AIG1: variants seen among roughly 807,000 people sequenced by gnomAD.
AIG1 encodes the protein androgen induced 1, also known as androgen-induced gene 1 protein.
A neutral mutation model predicts 31.4 loss-of-function variants in AIG1; 23 were observed. That is an observed-to-expected ratio of 0.73 (90% CI 0.53 to 1.04). The LOEUF is 1.04. AIG1 is among the 50% of genes least tolerant of loss of function. The probability of loss-of-function intolerance (pLI) is 0.00; values close to 1 mark genes in which losing one functional copy is unlikely to be tolerated. For missense variants in AIG1, 274 were observed against 295.0 expected (o/e 0.93, Z 0.52); for synonymous variants, 100 against 110.5 (o/e 0.90, Z 0.60).
chr6:143,281,407 TATGCAGTGATG>T (rs1192493487), intron 3 of AIG1, among the ~76,000 whole-genome samples: 1 of 152,210 alleles, frequency 6.6e-6, no homozygotes, highest in African/African-American at 2.4e-5. Flanking sequence ...GTGCTGTTCT[TATGCAGTGATG>T]ATTTTAACTG....
In AIG1 at chr6:143,141,362, A is replaced by G. The variant is rs1010362703; in HGVS notation, c.297+4372A>G. ...ATTGAGAGTTGACAGTAATTGCTGT[A>G]TGTGAGCATGAAGCCCTAAATATGA... On this transcript the variant is annotated intron_variant, in intron 2 of 5. Transcript: ENST00000357847. Among the ~76,000 whole-genome samples the G allele has an allele frequency of 5.9e-5, 9 of 152,236 alleles. No individual in the cohort carries two copies. In the East Asian group the frequency reaches 9.6e-4, roughly 16 times the overall value.
intron 5 of AIG1, among the ~76,000 whole-genome samples, chr6:143,335,926 C>T (rs1483657538): frequency 6.8e-6 from 1 of 148,060 alleles, no homozygotes; most frequent in Non-Finnish European, 1.5e-5. Context: ...CCATCCTGAG[C>T]CACAGAGTGA....
At chr6:143,244,836 CA>C (rs766444507) in intron 3 of AIG1, among the ~76,000 whole-genome samples, 2 of 152,144 alleles carry the variant, frequency 1.3e-5, no homozygotes, top group Non-Finnish European at 2.9e-5. Flanking sequence ...TTGGGGTTCA[CA>C]AGCTCCAAGC....
chr6:143,071,341 G>A (rs1777242053), intron 1 of AIG1, among the ~76,000 whole-genome samples: 2 of 152,166 alleles, frequency 1.3e-5, no homozygotes, highest in African/African-American at 4.8e-5. Context: ...ATCCGTTAAG[G>A]GATATCTGGA....
downstream of AIG1, among the ~76,000 whole-genome samples, chr6:143,341,276 A>G (rs1003488108): frequency 1.1e-4 from 16 of 152,208 alleles, no homozygotes; most frequent in Admixed American, 4.6e-4. Flanking sequence ...TGACTGCTGC[A>G]GTTAGTACAG....
intron 1 of AIG1, among the ~76,000 whole-genome samples, chr6:143,063,682 A>G (rs1215013831): frequency 6.6e-6 from 1 of 152,210 alleles, no homozygotes; most frequent in Admixed American, 6.5e-5. Context: ...TAATTTTGCA[A>G]GAGTTTAACT....
intron 3 of AIG1, among the ~76,000 whole-genome samples, chr6:143,203,421 T>C (rs1390518779): frequency 6.6e-6 from 1 of 152,188 alleles, no homozygotes; most frequent in Non-Finnish European, 1.5e-5. Context: ...TAAAGGGTGA[T>C]TACAAAATTC....
At chr6:143,196,267 T>G (rs1035636762) in intron 3 of AIG1, among the ~76,000 whole-genome samples, 1 of 152,058 alleles carries the variant, frequency 6.6e-6, no homozygotes, top group African/African-American at 2.4e-5. Flanking sequence ...TTTGCACATT[T>G]CTGGAGGGGA....
chr6:143,342,346 C>A (rs1583926710), downstream of AIG1: 16 of 671,322 alleles, frequency 2.4e-5, no homozygotes, highest in East Asian at 4.3e-4. Flanking sequence ...GCGGTTCTAG[C>A]CCCGCCGCAG....
intron 1 of AIG1, among the ~76,000 whole-genome samples, chr6:143,116,492 G>T (rs1416940392): frequency 6.6e-6 from 1 of 151,972 alleles, no homozygotes; most frequent in Non-Finnish European, 1.5e-5. Context: ...CATAGATTCA[G>T]TGGGGGTGAC....
chr6:143,212,465 C>T (rs890904971), intron 3 of AIG1, among the ~76,000 whole-genome samples: 1 of 152,110 alleles, frequency 6.6e-6, no homozygotes, highest in Non-Finnish European at 1.5e-5. Flanking sequence ...TGTGGTAGTA[C>T]AAGATTTGTT....
At chr6:143,070,856 T>C (rs180806300) in intron 1 of AIG1, among the ~76,000 whole-genome samples, 33 of 152,364 alleles carry the variant, frequency 2.2e-4, no homozygotes, top group African/African-American at 7.9e-4. Context: ...TCAACGGCAG[T>C]GACCCTTTTA....
At chr6:143,211,461 C>G (rs1183721939) in intron 3 of AIG1, among the ~76,000 whole-genome samples, 2 of 152,174 alleles carry the variant, frequency 1.3e-5, no homozygotes, top group Non-Finnish European at 2.9e-5. Context: ...AGAGCCCCAC[C>G]ACATTGCAAA....
At chr6:143,180,129 A>G (rs1788582460) in intron 3 of AIG1, among the ~76,000 whole-genome samples, 1 of 152,236 alleles carries the variant, frequency 6.6e-6, no homozygotes, top group Non-Finnish European at 1.5e-5. Flanking sequence ...CCAAACTGTA[A>G]TGCAGGTGGC....
intron 3 of AIG1, among the ~76,000 whole-genome samples, chr6:143,228,423 T>C (rs372543448): frequency 2.0e-5 from 3 of 152,196 alleles, no homozygotes; most frequent in African/African-American, 7.2e-5. Flanking sequence ...CAGCGGGGAC[T>C]GAGAAAGACG....
At chr6:143,207,533 CA>C (rs2128612049) in intron 3 of AIG1, among the ~76,000 whole-genome samples, 1 of 151,912 alleles carries the variant, frequency 6.6e-6, no homozygotes, top group Non-Finnish European at 1.5e-5. Flanking sequence ...CACACACACA[CA>C]CACACACACA....
chr6:143,089,337 G>GAT (rs1779095120), intron 1 of AIG1, among the ~76,000 whole-genome samples: 1 of 152,178 alleles, frequency 6.6e-6, no homozygotes. Flanking sequence ...TAATATAAGG[G>GAT]ATAAGCACTT....
intron 3 of AIG1, among the ~76,000 whole-genome samples, chr6:143,198,628 C>A (rs1247218151): frequency 6.6e-6 from 1 of 152,200 alleles, no homozygotes; most frequent in African/African-American, 2.4e-5. Context: ...GCCTGAGGCT[C>A]TTTCATCTGG....
Position 143,333,156 on chromosome 6 carries a change from C to T in AIG1, c.516-126C>T, listed in dbSNP as rs1331813814. On this transcript the variant is annotated intron_variant, in intron 4 of 5. Transcript: ENST00000357847. The surrounding 1 kb of genome is among the most constrained non-coding windows in gnomAD (Gnocchi z 4.6). Reference sequence around the variant, plus strand: ...TCCAGTAGCTCCTGAGTATCAGAAGCGAACTTGAGACTGGCAAATGCTGAA... The same window carrying T: ...TCCAGTAGCTCCTGAGTATCAGAAGTGAACTTGAGACTGGCAAATGCTGAA... The T allele has an allele frequency of 1.3e-5, 12 of 945,832 alleles. No individual in the cohort carries two copies. Among genetic ancestry groups the T allele is most frequent in the Admixed American group, 5.9e-5 (2 of 33,630 alleles). 58.6% of individuals were successfully genotyped at this position (945,832 alleles called of 1,614,324 possible). A position where few individuals can be genotyped will look rare whatever the true frequency, so the allele number is the denominator to read the frequency against.
Sources: gnomAD v4.1 joint callset for allele counts (sites outside exome capture counted in the v4.1 genomes callset) on GRCh38, gnomAD v4.1.1 for gene constraint, Gnocchi (gnomAD v3.1) non-coding constraint, MANE v1.5 for transcripts, NCBI Gene and HGNC (gene_info 2026-07-23, HGNC 2026-07-21) for gene names.